NAV2: variants seen among roughly 807,000 people sequenced by gnomAD.
NAV2 encodes helicase, APC down-regulated 1.
NAV2 carries 54 observed loss-of-function variants against 223.2 expected under a neutral mutation model. That is an observed-to-expected ratio of 0.24 (90% CI 0.19 to 0.30). NAV2 has a LOEUF of 0.30. NAV2 is among the 10% of genes least tolerant of loss of function. The pLI, the probability that NAV2 is intolerant of heterozygous loss-of-function variation, is 1.00. For missense variants in NAV2, 2,806 were observed against 3,147.5 expected (o/e 0.89, Z 2.60); for synonymous variants, 1,279 against 1,239.3 (o/e 1.03, Z -0.67).
chr11:19,613,999 A>G (rs2046716041), intron 1 of NAV2, among the ~76,000 whole-genome samples: 1 of 152,190 alleles, frequency 6.6e-6, no homozygotes, highest in Non-Finnish European at 1.5e-5. Flanking sequence ...TATATGCCCA[A>G]CCTGATAATA....
intron 1 of NAV2, among the ~76,000 whole-genome samples, chr11:19,545,962 G>T (rs2044486579): frequency 6.6e-6 from 1 of 152,174 alleles, no homozygotes; most frequent in East Asian, 1.9e-4. Context: ...TATAATTGCA[G>T]AGTCTATAAT....
chr11:19,430,929 C>A (rs1851015943), intron 1 of NAV2, among the ~76,000 whole-genome samples: 1 of 152,202 alleles, frequency 6.6e-6, no homozygotes, highest in Non-Finnish European at 1.5e-5. Flanking sequence ...TCAAGCAGCC[C>A]TCTAGAACAT....
At chr11:19,580,740 T>C (rs1259628025) in intron 1 of NAV2, among the ~76,000 whole-genome samples, 5 of 152,228 alleles carry the variant, frequency 3.3e-5, no homozygotes, top group African/African-American at 9.6e-5. Context: ...GAGTACCGCA[T>C]AGACCTTCTT....
intron 1 of NAV2, among the ~76,000 whole-genome samples, chr11:19,479,523 T>C (rs567611872): frequency 2.0e-5 from 3 of 152,340 alleles, no homozygotes; most frequent in Admixed American, 2.0e-4. Context: ...AAGTGCTATA[T>C]GCCAGGAGCT....
intron 1 of NAV2, among the ~76,000 whole-genome samples, chr11:19,647,463 C>G (rs190691379): frequency 7.6e-4 from 116 of 152,234 alleles, no homozygotes; most frequent in African/African-American, 2.4e-3. Context: ...CACCTCCCTC[C>G]AGCACCAACA....
At position 19,510,679 on chromosome 11, in the gene NAV2, T is replaced by C. The variant is rs544883625; in HGVS notation, c.75+159652T>C. Among the ~76,000 whole-genome samples the C allele has an allele frequency of 1.6e-4, 24 of 152,362 alleles. No individual in the cohort carries two copies. In the South Asian group the frequency reaches 4.8e-3, roughly 30 times the overall value. On this transcript the variant is annotated intron_variant, in intron 1 of 37. Coordinates refer to the NAV2 transcript ENST00000360655. The stretch of plus-strand genomic sequence containing the variant: ...TGGTCATTGCATGGTGCCTGTGTAT[T>C]GTGGCAGGGCCAGCACTTTTCGGGC...
chr11:19,438,307 G>A (rs757200064), intron 1 of NAV2, among the ~76,000 whole-genome samples: 2 of 152,358 alleles, frequency 1.3e-5, no homozygotes, highest in Non-Finnish European at 2.9e-5. Context: ...CGAAGATTAA[G>A]TAGCAGTCAT....
At chr11:19,397,817 G>A (rs941345159) in intron 1 of NAV2, among the ~76,000 whole-genome samples, 4 of 152,086 alleles carry the variant, frequency 2.6e-5, no homozygotes, top group East Asian at 3.9e-4. Flanking sequence ...TCTGTAAACC[G>A]GGAGGACTGG....
At chr11:19,667,025 C>T (rs2048430306) in intron 1 of NAV2, among the ~76,000 whole-genome samples, 2 of 152,126 alleles carry the variant, frequency 1.3e-5, no homozygotes, top group South Asian at 4.1e-4. Context: ...CTCCCTCCCA[C>T]CATAATCCAA....
At chr11:19,962,559 TG>T (rs1338318464) in intron 10 of NAV2, among the ~76,000 whole-genome samples, 2 of 152,176 alleles carry the variant, frequency 1.3e-5, no homozygotes, top group Admixed American at 6.5e-5. Flanking sequence ...GCACCCTGCC[TG>T]GGATGTGACC....
At position 20,074,760 on chromosome 11, in the gene NAV2, C is replaced by CCTTTTTTTTTTTTTTTTTTTT. The variant is rs56895607; in HGVS notation, c.4984-2792_4984-2791insCTTTTTTTTTTTTTTTTTTTT. 2.3e-3 allele frequency among the ~76,000 whole-genome samples: 249 copies of CCTTTTTTTTTTTTTTTTTTTT among 110,170 alleles called. 25 individuals are homozygous for CCTTTTTTTTTTTTTTTTTTTT. Among genetic ancestry groups the CCTTTTTTTTTTTTTTTTTTTT allele is most frequent in the Middle Eastern group, 4.8e-3 (1 of 210 alleles). 72.3% of individuals were successfully genotyped at this position (110,170 alleles called of 152,430 possible). A position where few individuals can be genotyped will look rare whatever the true frequency, so the allele number is the denominator to read the frequency against. On this transcript the variant is annotated intron_variant, in intron 22 of 37. Transcript: ENST00000349880. ...ATTGGAGACTAGGATTGCAACTCTG[C>CCTTTTTTTTTTTTTTTTTTTT]TTTTTTTTTTTTTTTTGCTTTCCAT...
At chr11:19,873,730 T>C (rs552423761) in intron 4 of NAV2, among the ~76,000 whole-genome samples, 2 of 152,268 alleles carry the variant, frequency 1.3e-5, no homozygotes, top group Admixed American at 6.5e-5. Context: ...GAGTATGGCA[T>C]TGACTGAGAC....
chr11:19,821,039 A>G (rs886606527), intron 1 of NAV2, among the ~76,000 whole-genome samples: 11 of 152,236 alleles, frequency 7.2e-5, no homozygotes, highest in South Asian at 4.2e-4. Flanking sequence ...GAGGCGGGCA[A>G]ATCACGAGGT....
At chr11:19,467,728 T>G (rs1852419771) in intron 1 of NAV2, among the ~76,000 whole-genome samples, 1 of 152,140 alleles carries the variant, frequency 6.6e-6, no homozygotes, top group African/African-American at 2.4e-5. Context: ...TTGGAGCAGG[T>G]TGTCTAAGGG....
At chr11:19,864,735 T>A (rs2061987622) in intron 3 of NAV2, among the ~76,000 whole-genome samples, 1 of 152,224 alleles carries the variant, frequency 6.6e-6, no homozygotes, top group African/African-American at 2.4e-5. Flanking sequence ...AAGGCTTAAT[T>A]GCAGCCTCTC....
At chr11:19,816,846 T>C (rs532346731) in intron 1 of NAV2, among the ~76,000 whole-genome samples, 2 of 152,270 alleles carry the variant, frequency 1.3e-5, no homozygotes, top group African/African-American at 2.4e-5. Context: ...AAAATCTAAT[T>C]TTCAGGCCCT....
In NAV2 at chr11:19,902,226, G is replaced by A. The variant is rs141648279; in HGVS notation, c.931+9632G>A. 2.7e-3 allele frequency among the ~76,000 whole-genome samples: 407 copies of A among 152,298 alleles called. 2 individuals carry two copies. The highest frequency in any genetic ancestry group is 5.1e-3 in the Non-Finnish European group (344 of 68,026). Reference sequence around the variant, plus strand: ...ATCAAGGTGAAAGAAATTGTATCCAGTGCAGTCTTTTGCCCCCTTTGGGAG... The same window carrying A: ...ATCAAGGTGAAAGAAATTGTATCCAATGCAGTCTTTTGCCCCCTTTGGGAG... On this transcript the variant is annotated intron_variant, in intron 6 of 37. Transcript: ENST00000349880.
At chr11:19,452,489 C>A (rs1224344759) in intron 1 of NAV2, among the ~76,000 whole-genome samples, 2 of 152,180 alleles carry the variant, frequency 1.3e-5, no homozygotes, top group African/African-American at 4.8e-5. Flanking sequence ...GGTGAGAAAT[C>A]CTCCTCTCTC....
chr11:20,110,256 C>CT (rs1467423406), intron 36 of NAV2, among the ~76,000 whole-genome samples: 4 of 152,208 alleles, frequency 2.6e-5, no homozygotes, highest in Non-Finnish European at 4.4e-5. Flanking sequence ...TTGCATCCCA[C>CT]TAAGTGGCTC....
Sources: gnomAD v4.1 joint callset for allele counts (sites outside exome capture counted in the v4.1 genomes callset) on GRCh38, gnomAD v4.1.1 for gene constraint, MANE v1.5 for transcripts, NCBI Gene and HGNC (gene_info 2026-07-23, HGNC 2026-07-21) for gene names.